The following FGGY variants were observed in gnomAD, a reference collection of about 807,000 sequenced individuals.
FGGY encodes FGGY carbohydrate kinase domain-containing protein.
A neutral mutation model predicts 71.3 loss-of-function variants in FGGY; 72 were observed. That is an observed-to-expected ratio of 1.01 (90% confidence interval 0.84 to 1.23). FGGY has a LOEUF of 1.23. FGGY is among the 50% of genes most tolerant of loss of function. The probability of loss-of-function intolerance (pLI) is 0.00; values close to 1 mark genes in which losing one functional copy is unlikely to be tolerated. For synonymous variants in FGGY, 251 were observed against 250.3 expected (o/e 1.00, Z -0.02); for missense variants, 668 against 682.3 (o/e 0.98, Z 0.23).
intron 1 of FGGY, among the ~76,000 whole-genome samples, chr1:59,299,892 A>G (rs1015334540): frequency 6.6e-6 from 1 of 152,204 alleles, no homozygotes; most frequent in Non-Finnish European, 1.5e-5. Context: ...GAGAATGAGC[A>G]GGTAATCGGA....
chr1:59,440,433 A>G (rs1049212595), intron 5 of FGGY, among the ~76,000 whole-genome samples: 1 of 151,986 alleles, frequency 6.6e-6, no homozygotes, highest in Non-Finnish European at 1.5e-5. Context: ...TTTGTTTTTA[A>G]TATGAACTCA....
At chr1:59,569,741 C>T (rs937899839) in intron 8 of FGGY, among the ~76,000 whole-genome samples, 1 of 152,126 alleles carries the variant, frequency 6.6e-6, no homozygotes, top group African/African-American at 2.4e-5. Context: ...GTTTATTAAA[C>T]GTCTTATGGA....
In FGGY at chr1:59,476,801, T is replaced by C. The variant is rs1251432327; in HGVS notation, c.670+19725T>C. On this transcript the variant is annotated intron_variant, in intron 6 of 15. Transcript: ENST00000303721. ...AGTGCTGACTTGAGATTACTCAAGA[T>C]GACAGAAGAAAAGTGCTGCCTCAGA... Among the ~76,000 whole-genome samples the C allele has an allele frequency of 2.0e-5, 3 of 152,232 alleles. No homozygotes were observed. In the East Asian group the frequency reaches 5.8e-4, roughly 29 times the overall value.
At chr1:59,478,432 C>T (rs894334314) in intron 6 of FGGY, among the ~76,000 whole-genome samples, 5 of 152,102 alleles carry the variant, frequency 3.3e-5, no homozygotes, top group African/African-American at 1.2e-4. Context: ...ATCTTTGATC[C>T]CACTTACCTC....
At chr1:59,674,542 A>G (rs575469012) in intron 14 of FGGY, among the ~76,000 whole-genome samples, 23 of 152,296 alleles carry the variant, frequency 1.5e-4, no homozygotes, top group Non-Finnish European at 1.3e-4. Flanking sequence ...TCAACAAGAG[A>G]CACAAATGAA....
At chr1:59,438,279 C>A (rs1408041741) in intron 5 of FGGY, among the ~76,000 whole-genome samples, 1 of 152,168 alleles carries the variant, frequency 6.6e-6, no homozygotes, top group Non-Finnish European at 1.5e-5. Flanking sequence ...AAAGCCTTTG[C>A]CCTTTCCATT....
At chr1:59,760,112 A>G (rs945089012) in intron 15 of FGGY, among the ~76,000 whole-genome samples, 1 of 152,228 alleles carries the variant, frequency 6.6e-6, no homozygotes, top group African/African-American at 2.4e-5. Context: ...CAACAACAAA[A>G]AAGCAAAAAC....
chr1:59,519,176 A>T (rs552850986), intron 7 of FGGY, among the ~76,000 whole-genome samples: 3 of 152,222 alleles, frequency 2.0e-5, no homozygotes, highest in Non-Finnish European at 4.4e-5. Context: ...GTGCACACTT[A>T]TCACTGTGTT....
chr1:59,691,158 C>T (rs1443844514), intron 14 of FGGY, among the ~76,000 whole-genome samples: 1 of 152,226 alleles, frequency 6.6e-6, no homozygotes, highest in African/African-American at 2.4e-5. Flanking sequence ...GCCTGGCAGC[C>T]TTGGAGGGTC....
chr1:59,568,405 T>C (rs889085367), intron 8 of FGGY, among the ~76,000 whole-genome samples: 7 of 143,510 alleles, frequency 4.9e-5, no homozygotes, highest in Non-Finnish European at 7.5e-5. Context: ...AGAATCATCA[T>C]TGCATATACT....
At chr1:59,761,575 C>T (rs951825019) in intron 15 of FGGY, among the ~76,000 whole-genome samples, 4 of 152,290 alleles carry the variant, frequency 2.6e-5, no homozygotes, top group East Asian at 1.9e-4. Flanking sequence ...TAATTTGTCT[C>T]GGTTCCTATT....
In FGGY at chr1:59,719,409, G is replaced by A. The variant is rs141244211; in HGVS notation, c.1513-38522G>A. Among the ~76,000 whole-genome samples the A allele has an allele frequency of 3.4e-3, 514 of 152,094 alleles. 4 individuals carry two copies. The highest frequency in any genetic ancestry group is 0.012 in the African/African-American group (487 of 41,458). ...AAATTACTTAACCTTTCTCAACCTC[G>A]GTTTCTCATTTGTAAAATGGAGCTA... On this transcript the variant is annotated intron_variant, in intron 14 of 15. Transcript: ENST00000303721.
chr1:59,587,125 G>A (rs1325029492), intron 8 of FGGY, among the ~76,000 whole-genome samples: 1 of 152,200 alleles, frequency 6.6e-6, no homozygotes, highest in Admixed American at 6.5e-5. Flanking sequence ...TTAAAAAATG[G>A]CACACCAGGA....
intron 9 of FGGY, among the ~76,000 whole-genome samples, chr1:59,613,073 A>G (rs2096708036): frequency 6.6e-6 from 1 of 152,196 alleles, no homozygotes; most frequent in African/African-American, 2.4e-5. Flanking sequence ...CCCACTGACA[A>G]CATTAGACAG....
At chr1:59,754,998 G>A (rs2098277981) in intron 14 of FGGY, 1 of 152,210 alleles carries the variant, frequency 6.6e-6, no homozygotes, top group African/African-American at 2.4e-5. Flanking sequence ...CAGATTCTCT[G>A]CTGGTCTGTG....
intron 3 of FGGY, 104 bp from the exon 4 acceptor site, chr1:59,346,143 A>G: frequency 1.4e-6 from 2 of 1,416,966 alleles, no homozygotes; most frequent in Non-Finnish European, 1.9e-6. Context: ...ACATAAAATT[A>G]TAGAAAGTAC....
chr1:59,527,483 C>G (rs1406248235), intron 7 of FGGY, among the ~76,000 whole-genome samples: 1 of 152,192 alleles, frequency 6.6e-6, no homozygotes, highest in Non-Finnish European at 1.5e-5. Flanking sequence ...CTGCCAGTGT[C>G]TTTTGTGAGA....
intron 1 of FGGY, among the ~76,000 whole-genome samples, chr1:59,301,383 A>T (rs1053658780): frequency 3.3e-5 from 5 of 152,144 alleles, no homozygotes; most frequent in African/African-American, 1.2e-4. Flanking sequence ...TATTTAGGTG[A>T]TCCTGTCATC....
intron 7 of FGGY, among the ~76,000 whole-genome samples, chr1:59,526,197 G>A (rs919135139): frequency 2.0e-5 from 3 of 152,212 alleles, no homozygotes; most frequent in Non-Finnish European, 4.4e-5. Context: ...TTTGCATAGG[G>A]TACTGCTGAG....
Sources: allele counts gnomAD v4.1 joint callset (sites outside exome capture counted in the v4.1 genomes callset), GRCh38; gene constraint gnomAD v4.1.1; transcripts MANE v1.5; gene names NCBI Gene and HGNC (gene_info 2026-07-23, HGNC 2026-07-21).